ARHGAP10: variants seen among roughly 807,000 people sequenced by gnomAD.
The protein encoded by ARHGAP10 is rho GTPase-activating protein 10.
In ARHGAP10, 87 loss-of-function variants were observed where a neutral mutation model predicts 108.6. That is an observed-to-expected ratio of 0.80 (90% CI 0.67 to 0.96). The LOEUF (loss-of-function observed/expected upper bound fraction) is 0.96. Ranked by LOEUF, ARHGAP10 falls within the 40% of genes least tolerant of loss-of-function variation. The pLI, the probability that ARHGAP10 is intolerant of heterozygous loss-of-function variation, is 0.00. For missense variants in ARHGAP10, 939 were observed against 954.5 expected, an observed-to-expected ratio of 0.98 and a Z score of 0.21; for synonymous variants, 347 against 341.1, an observed-to-expected ratio of 1.02 and a Z score of -0.19.
chr4:147,799,718 T>C (rs1399974475), intron 1 of ARHGAP10, among the ~76,000 whole-genome samples: 1 of 152,236 alleles, frequency 6.6e-6, no homozygotes, highest in Non-Finnish European at 1.5e-5. Flanking sequence ...TTCAACAGAA[T>C]TTATAATTGA....
intron 11 of ARHGAP10, 141 bp downstream of exon 11, chr4:147,906,860 C>A: frequency 1.0e-6 from 1 of 959,316 alleles, no homozygotes; most frequent in Non-Finnish European, 1.6e-6. Flanking sequence ...AAGCATTCAA[C>A]ATTCTAGTAA....
chr4:147,966,827 A>G lies in ARHGAP10; in HGVS notation c.1704A>G (p.Glu568=), dbSNP rs367827782. ...ATATTGTTGTGGAAATCTTAATTGA[A>G]AACCATGAAAAGGTAAAATTTTTTT... ...FQNIVVEILI[E]NHEKIFRTPP... Residue 568 remains glutamate, a synonymous_variant, in exon 18 of 23, where the codon GAA becomes GAG. Coordinates refer to ENST00000336498, the MANE Select transcript of ARHGAP10 (RefSeq NM_024605.4). 4 of 1,574,364 alleles carry G rather than the reference A, an allele frequency of 2.5e-6. No homozygotes were observed. The highest frequency in any genetic ancestry group is 3.5e-6 in the Non-Finnish European group (4 of 1,155,426).
At chr4:147,864,355 C>G (rs926808936) in intron 5 of ARHGAP10, 3 of 153,210 alleles carry the variant, frequency 2.0e-5, no homozygotes, top group African/African-American at 4.8e-5. Context: ...CTGGCTCCTT[C>G]TCACTTGCCG....
chr4:147,892,633 A>AT (rs1342160303), intron 10 of ARHGAP10, among the ~76,000 whole-genome samples: 2 of 151,996 alleles, frequency 1.3e-5, no homozygotes, highest in East Asian at 3.9e-4. Context: ...AAAGAAAGTG[A>AT]TTTTTAAAAT....
chr4:148,017,680 A>ATATATGAG (rs11281620), intron 18 of ARHGAP10, among the ~76,000 whole-genome samples: 8,665 of 141,332 alleles, frequency 0.061, 377 homozygotes, highest in African/African-American at 0.083. Flanking sequence ...ATATATATAT[A>ATATATGAG]TATGTGTGTG....
chr4:147,952,923 T>C (rs1050473498), intron 15 of ARHGAP10, among the ~76,000 whole-genome samples: 1 of 152,052 alleles, frequency 6.6e-6, no homozygotes, highest in East Asian at 1.9e-4. Flanking sequence ...TTTGAGTTAA[T>C]TTTTACATAA....
At chr4:147,820,676 C>T (rs1459958521) in intron 1 of ARHGAP10, among the ~76,000 whole-genome samples, 2 of 138,032 alleles carry the variant, frequency 1.4e-5, no homozygotes, top group African/African-American at 5.4e-5. Context: ...CTGCAACTTT[C>T]TCCTCCTGGG....
chr4:148,072,187 CA>C lies in ARHGAP10; in HGVS notation c.*107del. On this transcript the variant is annotated 3_prime_UTR_variant, in exon 23 of 23. Transcript: ENST00000336498. ...TCTGGGCTGCACCCACAGGTACCTC[CA>C]CACTTGGGAGTTACCATCATCACAG... 3 of 939,950 alleles carry C rather than the reference CA, an allele frequency of 3.2e-6. No individual in the cohort carries two copies. The highest frequency in any genetic ancestry group is 4.7e-6 in the Non-Finnish European group (3 of 635,566). 58.2% of individuals were successfully genotyped at this position (939,950 alleles called of 1,614,324 possible).
chr4:147,895,474 C>T (rs1735955535), intron 10 of ARHGAP10, among the ~76,000 whole-genome samples: 1 of 132,036 alleles, frequency 7.6e-6, no homozygotes, highest in Non-Finnish European at 1.5e-5. Context: ...GGTTAGAGAC[C>T]AGCCTAGGCA....
intron 14 of ARHGAP10, among the ~76,000 whole-genome samples, chr4:147,945,268 A>G (rs1469564813): frequency 6.6e-6 from 1 of 151,638 alleles, no homozygotes; most frequent in East Asian, 1.9e-4. Flanking sequence ...TCCATTCCAC[A>G]ATTTACTAAC....
Position 147,873,681 on chromosome 4 carries a change from AACACAC to A in ARHGAP10, c.703-1303_703-1298del, listed in dbSNP as rs67852364. 3.5e-3 allele frequency among the ~76,000 whole-genome samples: 343 copies of A among 98,742 alleles called. 1 individual carries two copies. The highest frequency in any genetic ancestry group is 8.9e-3 in the African/African-American group (246 of 27,742). 64.8% of individuals were successfully genotyped at this position (98,742 alleles called of 152,430 possible). On this transcript the variant is annotated intron_variant, in intron 7 of 22. Transcript: ENST00000336498. ...GTCTCTACAAAAAAACAAAAAACAA[AACACAC>A]ACACACACACACACACACACACACA...
chr4:148,006,152 G>A (rs887384809), intron 18 of ARHGAP10, among the ~76,000 whole-genome samples: 11 of 152,160 alleles, frequency 7.2e-5, no homozygotes, highest in African/African-American at 2.7e-4. Context: ...GAGGAAGCCA[G>A]CTGCCGTGTT....
In ARHGAP10 at chr4:148,063,170, A is replaced by G. The variant is rs2276932; in HGVS notation, c.2050A>G (p.Met684Val). 103,743 of 1,614,060 alleles carry G rather than the reference A, an allele frequency of 0.064. 3,803 individuals are homozygous for G. The highest frequency in any genetic ancestry group is 0.07 in the Non-Finnish European group (82,246 of 1,179,976). Residue 684 changes from methionine (M) to valine (V), a missense_variant, in exon 21 of 23, where the codon ATG (methionine) becomes GTG (valine). Physicochemically the swap from Met to Val is conservative, Grantham distance 21. Transcript: ENST00000336498. ...STIPGQTRSS[M>V]VQWLNPQSPT... The stretch of plus-strand genomic sequence containing the variant: ...TAGCCCAGGCCAGACCCGATCGTCT[A>G]TGGTCCAGTGGCTTAACCCACAGTC...
intron 10 of ARHGAP10, among the ~76,000 whole-genome samples, chr4:147,903,251 C>T (rs559890691): frequency 6.6e-6 from 1 of 152,184 alleles, no homozygotes; most frequent in Non-Finnish European, 1.5e-5. Context: ...GTCTTCTATG[C>T]ACCTTCTCAG....
intron 20 of ARHGAP10, among the ~76,000 whole-genome samples, chr4:148,058,057 C>T (rs1179607524): frequency 6.6e-6 from 1 of 152,228 alleles, no homozygotes; most frequent in Non-Finnish European, 1.5e-5. Context: ...GTGGAGTTCT[C>T]CCTCTCCTGG....
In ARHGAP10 at chr4:147,886,514, G is replaced by A. The variant is rs374668302; in HGVS notation, c.1034+4582G>A. On this transcript the variant is annotated intron_variant, in intron 10 of 22. Coordinates refer to ENST00000336498, the MANE Select transcript of ARHGAP10 (RefSeq NM_024605.4). ...TAAGCCCTACAGTCTGTTGTTCGTC[G>A]TGCACTCACTTTCTTCCTTAACTAG... Among the ~76,000 whole-genome samples the A allele has an allele frequency of 4.6e-5, 7 of 152,202 alleles. No homozygotes were observed. The East Asian group carries it at 5.8e-4, about 13-fold the overall frequency.
At chr4:148,027,696 A>G (rs73857329) in intron 19 of ARHGAP10, among the ~76,000 whole-genome samples, 18,324 of 152,178 alleles carry the variant, frequency 0.12, 1,677 homozygotes, top group African/African-American at 0.26. Context: ...ACTTTGAATA[A>G]TTAGCTAAAA....
At chr4:147,746,705 T>C (rs553958819) in intron 1 of ARHGAP10, among the ~76,000 whole-genome samples, 2 of 152,120 alleles carry the variant, frequency 1.3e-5, no homozygotes, top group African/African-American at 4.8e-5. Flanking sequence ...CTTCTTAATA[T>C]AGAAGGTGGG....
chr4:147,791,266 C>G (rs111656717), intron 1 of ARHGAP10, among the ~76,000 whole-genome samples: 69 of 151,900 alleles, frequency 4.5e-4, no homozygotes, highest in African/African-American at 1.5e-3. Context: ...CGCCTGCCAC[C>G]ATGTCTGGCT....
Sources: gnomAD v4.1 joint callset for allele counts (sites outside exome capture counted in the v4.1 genomes callset) on GRCh38, gnomAD v4.1.1 for gene constraint, MANE v1.5 for transcripts, NCBI Gene and HGNC (gene_info 2026-07-23, HGNC 2026-07-21) for gene names.